Variants in PID1 observed in about 807,000 individuals in gnomAD.
PID1 encodes the protein PTB-containing, cubilin and LRP1-interacting protein.
In PID1, 10 loss-of-function variants were observed where a neutral mutation model predicts 19.1. That is an observed-to-expected ratio of 0.52 (90% CI 0.32 to 0.89). The LOEUF (loss-of-function observed/expected upper bound fraction) is 0.89, where lower values mean the gene tolerates loss of function less well. Ranked by LOEUF, PID1 falls within the 40% of genes least tolerant of loss-of-function variation. The pLI, the probability that PID1 is intolerant of heterozygous loss-of-function variation, is 0.03. For synonymous variants in PID1, 130 were observed against 116.0 expected, an observed-to-expected ratio of 1.12 and a Z score of -0.78; for missense variants, 248 against 285.3, an observed-to-expected ratio of 0.87 and a Z score of 0.94.
At chr2:229,068,519 G>A (rs1694379768) in intron 2 of PID1, among the ~76,000 whole-genome samples, 1 of 152,204 alleles carries the variant, frequency 6.6e-6, no homozygotes, top group African/African-American at 2.4e-5. Context: ...AGGGTGTCAA[G>A]GTTCCTTTCC....
chr2:229,246,449 G>A (rs549181658), intron 1 of PID1, among the ~76,000 whole-genome samples: 71 of 152,166 alleles, frequency 4.7e-4, no homozygotes, highest in Admixed American at 2.7e-3. Context: ...ACACATAATT[G>A]AAGAGTTAGG....
chr2:229,067,286 T>C (rs917880339), intron 2 of PID1, among the ~76,000 whole-genome samples: 3 of 152,110 alleles, frequency 2.0e-5, no homozygotes, highest in Non-Finnish European at 4.4e-5. Context: ...CAAGGTGAGA[T>C]TTGGGTGGGG....
At chr2:229,029,166 C>T (rs2536214) in intron 2 of PID1, among the ~76,000 whole-genome samples, 60,338 of 151,348 alleles carry the variant, frequency 0.4, 12,297 homozygotes, top group South Asian at 0.63. Flanking sequence ...CACCAAACCT[C>T]GGCAACACGC....
chr2:229,163,385 C>A (rs1690527511), intron 1 of PID1, among the ~76,000 whole-genome samples: 1 of 152,132 alleles, frequency 6.6e-6, no homozygotes, highest in African/African-American at 2.4e-5. Context: ...ACATCCAAAT[C>A]CTTATAAATT....
chr2:229,025,524 G>T lies in PID1; in HGVS notation c.*108C>A. ...CTTCTGAATTTAAAAACCTTGGTCA[G>T]CCAATAGTTTGGCAGTCTTTTCATC... On this transcript the variant is annotated 3_prime_UTR_variant, in exon 3 of 3. Coordinates refer to ENST00000392055, the MANE Select transcript of PID1 (RefSeq NM_001100818.2). The T allele has an allele frequency of 1.3e-6, 1 of 793,622 alleles. No individual in the cohort carries two copies. Among genetic ancestry groups the T allele is most frequent in the Non-Finnish European group, 2.1e-6 (1 of 474,716 alleles). 49.2% of individuals were successfully genotyped at this position (793,622 alleles called of 1,614,324 possible).
intron 2 of PID1, among the ~76,000 whole-genome samples, chr2:229,106,067 G>A (rs1318555896): frequency 2.6e-5 from 2 of 78,298 alleles, no homozygotes; most frequent in South Asian, 4.2e-4. Context: ...GCAACAGAGC[G>A]AGATTCCGTC....
rs1693407187 is a variant in PID1 at position 229,025,900 on chromosome 2, T to C, written c.386A>G (p.Gln129Arg). The change falls in exon 3 of 3, where the codon CAG becomes CGG. Residue 129 changes from glutamine to arginine, a missense_variant. Transcript: ENST00000392055. ...GEATVHMDTF[Q>R]VARIAYCTAD... ...GGTGCAGTAGGCGATGCGGGCCACCTGGAAGGTATCCATGTGCACTGTGGC... is the reference window on the plus strand; with the variant it reads ...GGTGCAGTAGGCGATGCGGGCCACCCGGAAGGTATCCATGTGCACTGTGGC... 6.2e-7 allele frequency: 1 copy of C among 1,614,244 alleles called. No homozygotes were observed. Among genetic ancestry groups the C allele is most frequent in the Admixed American group, 1.7e-5 (1 of 60,028 alleles).
intron 2 of PID1, among the ~76,000 whole-genome samples, chr2:229,082,355 T>C (rs1240863618): frequency 1.3e-5 from 2 of 152,216 alleles, no homozygotes; most frequent in Non-Finnish European, 2.9e-5. Context: ...ATTCTAATTC[T>C]AAGGTGGACT....
At chr2:229,089,290 T>C (rs1694825873) in intron 2 of PID1, among the ~76,000 whole-genome samples, 1 of 152,332 alleles carries the variant, frequency 6.6e-6, no homozygotes, top group African/African-American at 2.4e-5. Flanking sequence ...GGCTTATTTA[T>C]AAACTTTGAA....
intron 2 of PID1, among the ~76,000 whole-genome samples, chr2:229,098,845 C>A (rs912605766): frequency 6.6e-6 from 1 of 152,218 alleles, no homozygotes; most frequent in Non-Finnish European, 1.5e-5. Context: ...CAGCTCAGAG[C>A]AATCTGCTCT....
At chr2:229,027,194 A>G (rs1221006560) in intron 2 of PID1, among the ~76,000 whole-genome samples, 1 of 152,216 alleles carries the variant, frequency 6.6e-6, no homozygotes, top group African/African-American at 2.4e-5. Flanking sequence ...GGCCACATAT[A>G]AAAAATTAAA....
intron 2 of PID1, among the ~76,000 whole-genome samples, chr2:229,049,628 T>C (rs1017756771): frequency 2.1e-5 from 2 of 93,242 alleles, no homozygotes; most frequent in Non-Finnish European, 3.9e-5. Flanking sequence ...GAGCTTAATA[T>C]AGTATAAGAT....
chr2:229,113,353 A>G (rs1695336113), intron 2 of PID1, among the ~76,000 whole-genome samples: 1 of 149,286 alleles, frequency 6.7e-6, no homozygotes, highest in African/African-American at 2.4e-5. Context: ...CCTTAGGCAA[A>G]TTACTTTTAA....
At chr2:229,048,280 A>G (rs142761574) in intron 2 of PID1, among the ~76,000 whole-genome samples, 2 of 152,116 alleles carry the variant, frequency 1.3e-5, no homozygotes, top group African/African-American at 4.8e-5. Context: ...TTTACTACCT[A>G]CCAAGCTTGA....
At chr2:229,228,217 T>C (rs1692124351) in intron 1 of PID1, among the ~76,000 whole-genome samples, 1 of 152,194 alleles carries the variant, frequency 6.6e-6, no homozygotes, top group Non-Finnish European at 1.5e-5. Flanking sequence ...AAATGAGAAC[T>C]TGTGTCCCTA....
intron 1 of PID1, among the ~76,000 whole-genome samples, chr2:229,215,701 A>T (rs1222710991): frequency 6.6e-6 from 1 of 152,228 alleles, no homozygotes; most frequent in Non-Finnish European, 1.5e-5. Context: ...CTAATCGGGA[A>T]TATGTTTTAT....
intron 1 of PID1, among the ~76,000 whole-genome samples, chr2:229,237,423 C>T (rs1399702621): frequency 1.3e-5 from 2 of 152,142 alleles, no homozygotes; most frequent in Non-Finnish European, 2.9e-5. Context: ...TATTGCCACA[C>T]CAAACTGACC....
intron 2 of PID1, among the ~76,000 whole-genome samples, chr2:229,098,107 C>A (rs1021997214): frequency 6.6e-6 from 1 of 152,210 alleles, no homozygotes; most frequent in Non-Finnish European, 1.5e-5. Flanking sequence ...AAGAGTGCTC[C>A]TGCTGCAGTA....
intron 2 of PID1, among the ~76,000 whole-genome samples, chr2:229,111,447 T>C (rs114207995): frequency 0.015 from 2,341 of 152,274 alleles, 24 homozygotes; most frequent in Non-Finnish European, 0.025. Flanking sequence ...TAGAAACATA[T>C]AGTAATATTG....
Sources: gnomAD v4.1 joint callset for allele counts (sites outside exome capture counted in the v4.1 genomes callset) on GRCh38, gnomAD v4.1.1 for gene constraint, MANE v1.5 for transcripts, NCBI Gene and HGNC (gene_info 2026-07-23, HGNC 2026-07-21) for gene names.